Variants in ARHGEF1 observed in about 807,000 individuals in gnomAD.
ARHGEF1 encodes Rho guanine nucleotide exchange factor 1, also known as 115 kDa guanine nucleotide exchange factor.
In ARHGEF1, 40 loss-of-function variants were observed where a neutral mutation model predicts 119.7. The observed-to-expected ratio is 0.33, with a 90% CI of 0.26 to 0.44. The LOEUF (loss-of-function observed/expected upper bound fraction) is 0.44. Among genes scored for constraint, ARHGEF1 ranks in the 20% least tolerant of loss-of-function variants. The pLI is 1.00. For synonymous variants in ARHGEF1, 494 were observed against 521.0 expected (o/e 0.95, Z 0.71); for missense variants, 976 against 1,268.3 (o/e 0.77, Z 3.50).
chr19:41,888,680 A>C lies in ARHGEF1; in HGVS notation c.112-72A>C. ...TGGCTTGGATCCCTTGTGAAGTGCC[A>C]GGAATGGGTAGGGTCAACCCTAAGG... is the stretch of plus-strand genomic sequence containing the variant. On this transcript the variant is annotated intron_variant, in intron 3 of 28. Coordinates refer to ENST00000354532, the MANE Select transcript of ARHGEF1 (RefSeq NM_004706.4). The surrounding 1 kb of genome is among the most constrained non-coding windows in gnomAD (Gnocchi z 5.1). The C allele has an allele frequency of 7.0e-7, 1 of 1,434,050 alleles. No individual in the cohort carries two copies. The highest frequency in any genetic ancestry group is 9.8e-7 in the Non-Finnish European group (1 of 1,024,570). The allele number at this position is 1,434,050 out of a possible 1,614,324, so 88.8% of individuals were successfully genotyped here. A position where few individuals can be genotyped will look rare whatever the true frequency, so the allele number is the denominator to read the frequency against.
rs2074388037 is a variant in ARHGEF1, at chr19:41,892,228, C to G, written c.325-103C>G. 1 of 1,571,316 alleles carries G rather than the reference C, an allele frequency of 6.4e-7. No homozygotes were observed. The highest frequency in any genetic ancestry group is 1.1e-5 in the South Asian group (1 of 89,630). On this transcript the variant is annotated intron_variant, in intron 5 of 28. Transcript: ENST00000354532. This position sits in a 1 kb window ranked among gnomAD's most constrained non-coding sequence, Gnocchi z 6.3. ...CCTGAGGGCAGCTGCTGACCCAGGC[C>G]TTCCCCAGCACCCTCGCTTAGACCA...
At position 41,892,802 on chromosome 19, in the gene ARHGEF1, G is replaced by A. The variant is rs1555846566; in HGVS notation, c.567G>A (p.Arg189=). ...VGRDRASYEA[R]ERHVAERLLM... ...GGGACCGAGCCAGCTACGAGGCCCG[G>A]GAGCGGCACGTGGCGGAGCGGCTGC... The change falls in exon 7 of 29, where the codon CGG becomes CGA. Residue 189 remains arginine (R), a synonymous_variant. Coordinates refer to ENST00000354532, the MANE Select transcript of ARHGEF1 (RefSeq NM_004706.4). The surrounding 1 kb of genome is among the most constrained non-coding windows in gnomAD (Gnocchi z 6.3). 1.3e-6 allele frequency: 2 copies of A among 1,593,642 alleles called. No individual in the cohort carries two copies. The highest frequency in any genetic ancestry group is 1.1e-5 in the South Asian group (1 of 90,436).
chr19:41,916,904 C>A lies in ARHGEF1; in HGVS notation c.1866-6188C>A, dbSNP rs2074805066. 6.6e-6 allele frequency among the ~76,000 whole-genome samples: 1 copy of A among 152,138 alleles called. No homozygotes were observed. The highest frequency in any genetic ancestry group is 1.5e-5 in the Non-Finnish European group (1 of 68,016). On this transcript the variant is annotated intron_variant, in intron 18 of 20. Coordinates refer to the ARHGEF1 transcript ENST00000599589. This position sits in a 1 kb window ranked among gnomAD's most constrained non-coding sequence, Gnocchi z 5.4. ...CAGACACACTGGGTAGGGGTGGGCACTCAGAGATGACCCCAACCCAAGGCC... is the reference window on the plus strand; with the variant it reads ...CAGACACACTGGGTAGGGGTGGGCAATCAGAGATGACCCCAACCCAAGGCC...
At position 41,901,331 on chromosome 19, in the gene ARHGEF1, T is replaced by C. The variant is rs894217665; in HGVS notation, c.1268-556T>C. Reference sequence around the variant, plus strand: ...CACCTGGCTAATTTTTGTATTTTTTTAGTAGAGATGGGGTTTCACCATGTT... The same window carrying C: ...CACCTGGCTAATTTTTGTATTTTTTCAGTAGAGATGGGGTTTCACCATGTT... On this transcript the variant is annotated intron_variant, in intron 14 of 28. Coordinates refer to ENST00000354532, the MANE Select transcript of ARHGEF1 (RefSeq NM_004706.4). Among the ~76,000 whole-genome samples, 4 of 151,610 alleles carry C rather than the reference T, an allele frequency of 2.6e-5. No individual in the cohort carries two copies. The East Asian group carries it at 7.8e-4, about 29-fold the overall frequency.
chr19:41,904,522 G>C lies in ARHGEF1; in HGVS notation c.2161+139G>C. On this transcript the variant is annotated intron_variant, in intron 22 of 28. Transcript: ENST00000354532. The surrounding 1 kb of genome is among the most constrained non-coding windows in gnomAD (Gnocchi z 8.4). ...GAGGTTGAGAAGTAGGTGGAGGTGGGCAGGGCGGGGCCAGGCCTAGAGGGT... is the reference window on the plus strand; with the variant it reads ...GAGGTTGAGAAGTAGGTGGAGGTGGCCAGGGCGGGGCCAGGCCTAGAGGGT... 1 of 1,056,098 alleles carries C rather than the reference G, an allele frequency of 9.5e-7. No homozygotes were observed. The highest frequency in any genetic ancestry group is 1.3e-6 in the Non-Finnish European group (1 of 751,550). The allele number at this position is 1,056,098 out of a possible 1,614,324, so 65.4% of individuals were successfully genotyped here. A position where few individuals can be genotyped will look rare whatever the true frequency, so the allele number is the denominator to read the frequency against.
downstream of ARHGEF1, chr19:41,909,221 T>A: frequency 8.1e-7 from 1 of 1,231,040 alleles, no homozygotes; most frequent in Non-Finnish European, 1.0e-6. This position sits in a 1 kb window ranked among gnomAD's most constrained non-coding sequence, Gnocchi z 5.2. Flanking sequence ...GACTGTCCCC[T>A]CCCCAGAGTG....
In ARHGEF1 at chr19:41,906,506, G is replaced by C; in HGVS notation, c.2541G>C (p.Ala847=). The C allele has an allele frequency of 6.3e-7, 1 of 1,583,680 alleles. No individual in the cohort carries two copies. Among genetic ancestry groups the C allele is most frequent in the East Asian group, 2.3e-5 (1 of 44,290 alleles). Residue 847 remains alanine, a synonymous_variant, in exon 27 of 29, where the codon GCG becomes GCC. Coordinates refer to ENST00000354532, the MANE Select transcript of ARHGEF1 (RefSeq NM_004706.4). The surrounding 1 kb of genome is among the most constrained non-coding windows in gnomAD (Gnocchi z 4.5). ...LLFPAEEDNG[A]GPPRDGDGVP... is the part of the protein sequence containing the mutation. ...TTCCGGCGGAGGAAGACAATGGGGC[G>C]GGGCCTCCTCGAGATGGGGATGGGG...
downstream of ARHGEF1, among the ~76,000 whole-genome samples, chr19:41,911,588 C>T (rs2074751917): frequency 6.6e-6 from 1 of 152,158 alleles, no homozygotes; most frequent in Non-Finnish European, 1.5e-5. Flanking sequence ...CGGGGAGCTC[C>T]AGGCAGTCTC....
At chr19:41,909,956 A>G, downstream of ARHGEF1, 1 of 1,613,876 alleles carries the variant, frequency 6.2e-7, no homozygotes, top group Non-Finnish European at 8.5e-7. The surrounding 1 kb of genome is among the most constrained non-coding windows in gnomAD (Gnocchi z 5.2). Context: ...TTTGATGACG[A>G]ATTCCCCGTA....
At chr19:41,924,585 C>A (rs1555853058) in intron 1 of ARHGEF1, among the ~76,000 whole-genome samples, 2 of 152,048 alleles carry the variant, frequency 1.3e-5, no homozygotes, top group Non-Finnish European at 2.9e-5. Flanking sequence ...TGTGGTGGAA[C>A]AGGTGGGGCA....
chr19:41,917,546 T>C lies in ARHGEF1; in HGVS notation c.1866-5546T>C, dbSNP rs1555852048. On this transcript the variant is annotated intron_variant, in intron 18 of 20. Transcript: ENST00000599589. The surrounding 1 kb of genome is among the most constrained non-coding windows in gnomAD (Gnocchi z 4.8). The stretch of plus-strand genomic sequence containing the variant: ...TGAAAATTGATTTTTTTTTTAAATT[T>C]CATATCTTCTCCGGGGCTCTGTCTA... Among the ~76,000 whole-genome samples the C allele has an allele frequency of 6.6e-6, 1 of 151,308 alleles. No homozygotes were observed. The highest frequency in any genetic ancestry group is 1.5e-5 in the Non-Finnish European group (1 of 67,774).
Position 41,888,804 on chromosome 19 carries a change from G to T in ARHGEF1, c.164G>T (p.Arg55Leu). 6.2e-7 allele frequency: 1 copy of T among 1,614,196 alleles called. No individual in the cohort carries two copies. Among genetic ancestry groups the T allele is most frequent in the Non-Finnish European group, 8.5e-7 (1 of 1,180,018 alleles). The part of the protein sequence containing the change: ...QFQSLEQVKR[R>L]PAHLMALLQH... ...CAGAGCCTGGAGCAGGTGAAGCGGC[G>T]CCCAGCCCACCTCATGGCCCTCCTG... The change falls in exon 4 of 29, where the codon CGC becomes CTC. Residue 55 changes from arginine (R) to leucine (L), a missense_variant. By Grantham distance (102) the Arg-to-Leu change is moderately radical (BLOSUM62 -2). This residue lies in a region of ARHGEF1 where 519 missense variants were observed against 580.9 expected (regional missense o/e 0.89). Transcript: ENST00000354532. This position sits in a 1 kb window ranked among gnomAD's most constrained non-coding sequence, Gnocchi z 5.1.
intron 18 of ARHGEF1, among the ~76,000 whole-genome samples, chr19:41,914,261 G>A (rs934698590): frequency 1.3e-5 from 2 of 148,762 alleles, no homozygotes; most frequent in Admixed American, 1.3e-4. Context: ...GCCCCGTCTC[G>A]GTATCTCTCC....
At chr19:41,911,878 CAT>C (rs111964707), downstream of ARHGEF1, among the ~76,000 whole-genome samples, 4,058 of 152,096 alleles carry the variant, frequency 0.027, 179 homozygotes, top group African/African-American at 0.092. Flanking sequence ...CAGACACACA[CAT>C]GTGACAGACA....
At position 41,916,765 on chromosome 19, in the gene ARHGEF1, C is replaced by T. The variant is rs544851027; in HGVS notation, c.1866-6327C>T. Among the ~76,000 whole-genome samples the T allele has an allele frequency of 8.5e-5, 13 of 152,204 alleles. No homozygotes were observed. The highest frequency in any genetic ancestry group is 2.1e-4 in the South Asian group (1 of 4,820). The stretch of plus-strand genomic sequence containing the variant: ...CACCAACCCAGACAGCCAACGCACA[C>T]GGCCACACACACACCCATTCACAGA... On this transcript the variant is annotated intron_variant, in intron 18 of 20. Transcript: ENST00000599589. The surrounding 1 kb of genome is among the most constrained non-coding windows in gnomAD (Gnocchi z 5.4).
At chr19:41,893,846 G>C (rs1332603184) in intron 8 of ARHGEF1, among the ~76,000 whole-genome samples, 1 of 91,570 alleles carries the variant, frequency 1.1e-5, no homozygotes, top group Non-Finnish European at 1.9e-5. Flanking sequence ...TGGGTCTGAG[G>C]GAGGAAGGGG....
downstream of ARHGEF1, chr19:41,907,929 G>GGGGT (rs1698518958): frequency 2.1e-5 from 7 of 330,150 alleles, no homozygotes; most frequent in East Asian, 2.8e-4. Flanking sequence ...GCATAGCACA[G>GGGGT]GGGTGGGCGG....
rs1243423474 is a variant in ARHGEF1 at position 41,917,729 on chromosome 19, C to T, written c.1866-5363C>T. Among the ~76,000 whole-genome samples the T allele has an allele frequency of 2.6e-5, 4 of 151,816 alleles. No homozygotes were observed. The highest frequency in any genetic ancestry group is 2.1e-4 in the South Asian group (1 of 4,830). On this transcript the variant is annotated intron_variant, in intron 18 of 20. Transcript: ENST00000599589. This position sits in a 1 kb window ranked among gnomAD's most constrained non-coding sequence, Gnocchi z 4.8. ...CAATCTGGGGACATATCTCTCCTTACGCCACACGCCCATGTAGGACACATC... is the reference window on the plus strand; with the variant it reads ...CAATCTGGGGACATATCTCTCCTTATGCCACACGCCCATGTAGGACACATC...
chr19:41,911,901 A>G (rs1395859900), downstream of ARHGEF1, among the ~76,000 whole-genome samples: 2 of 151,738 alleles, frequency 1.3e-5, no homozygotes, highest in Non-Finnish European at 2.9e-5. Context: ...AACCCCCAGA[A>G]TTCACTCATG....
Sources: allele counts gnomAD v4.1 joint callset (sites outside exome capture counted in the v4.1 genomes callset), GRCh38; gene constraint gnomAD v4.1.1; regional missense constraint gnomAD v4.1.1; non-coding constraint Gnocchi (gnomAD v3.1); transcripts MANE v1.5; gene names NCBI Gene and HGNC (gene_info 2026-07-23, HGNC 2026-07-21).